XPO5: variants seen among roughly 807,000 people sequenced by gnomAD.
XPO5 encodes the protein exportin-5.
In XPO5, 46 loss-of-function variants were observed where a neutral mutation model predicts 160.6. The ratio of observed to expected loss-of-function variants is 0.29; its 90% CI spans 0.23 to 0.37. The LOEUF is 0.37. XPO5 is among the 10% of genes least tolerant of loss of function. The probability of loss-of-function intolerance (pLI) is 1.00; values close to 1 mark genes in which losing one functional copy is unlikely to be tolerated. For synonymous variants in XPO5, 537 were observed against 519.3 expected (o/e 1.03, Z -0.46); for missense variants, 1,090 against 1,463.9 (o/e 0.74, Z 4.17).
Position 43,524,974 on chromosome 6 carries a change from G to A in XPO5, c.3175-6C>T. Reference sequence around the variant, plus strand: ...AGCAGTGTCCCTGACAGCACCTGGGGAGACAACTGTGCTTTAGGGCCACAG... The same window carrying A: ...AGCAGTGTCCCTGACAGCACCTGGGAAGACAACTGTGCTTTAGGGCCACAG... On this transcript the variant is annotated splice_region_variant and splice_polypyrimidine_tract_variant and intron_variant, in intron 29 of 31. Transcript: ENST00000265351. 2 of 1,612,484 alleles carry A rather than the reference G, an allele frequency of 1.2e-6. No individual in the cohort carries two copies. Among genetic ancestry groups the A allele is most frequent in the Non-Finnish European group, 1.7e-6 (2 of 1,179,552 alleles).
At chr6:43,564,843 A>G (rs1762614718) in intron 8 of XPO5, among the ~76,000 whole-genome samples, 3 of 151,404 alleles carry the variant, frequency 2.0e-5, no homozygotes. Flanking sequence ...GACTCAATCA[A>G]TCCTCCCGCC....
intron 23 of XPO5, 67 bp downstream of exon 23, chr6:43,530,621 G>A: frequency 1.9e-6 from 3 of 1,554,498 alleles, no homozygotes; most frequent in Non-Finnish European, 2.6e-6. Context: ...TGGTTGCTGT[G>A]ACCTGTTTTG....
chr6:43,557,782 G>A (rs1762175748), intron 12 of XPO5, among the ~76,000 whole-genome samples: 2 of 58,374 alleles, frequency 3.4e-5, no homozygotes, highest in South Asian at 1.5e-3. Flanking sequence ...CAATAAAGCT[G>A]TAAAAAAAAA....
intron 21 of XPO5, chr6:43,533,619 TTGA>T: frequency 8.9e-6 from 2 of 225,844 alleles, no homozygotes; most frequent in Non-Finnish European, 1.8e-5. Context: ...GGAGGACTGC[TTGA>T]TGATAAGAGT....
intron 20 of XPO5, chr6:43,544,144 C>T (rs908396501): frequency 1.5e-4 from 23 of 153,796 alleles, no homozygotes; most frequent in African/African-American, 5.0e-4. Flanking sequence ...TGATAACCAT[C>T]TGAAGACTAA....
intron 25 of XPO5, 102 bp from the exon 26 acceptor site, chr6:43,527,833 T>C: frequency 7.8e-7 from 1 of 1,277,352 alleles, no homozygotes; most frequent in Non-Finnish European, 1.1e-6. Flanking sequence ...TTCTTCTCCT[T>C]TGGGTCTTCG....
chr6:43,537,063 C>T (rs180910145), intron 20 of XPO5, among the ~76,000 whole-genome samples: 549 of 152,130 alleles, frequency 3.6e-3, no homozygotes, highest in Admixed American at 5.4e-3. Context: ...AACTCCTGGG[C>T]TCAAGTGGCC....
rs868021425 is a variant in XPO5 at position 43,524,733 on chromosome 6, T to C, written c.3312+98A>G. ...CATTTCTCAGAGATTGCACCAGCAA[T>C]TTGGCAGGTGCCTGAATTTAGGATA... On this transcript the variant is annotated intron_variant, in intron 30 of 31. Transcript: ENST00000265351. 6.0e-5 allele frequency: 94 copies of C among 1,566,484 alleles called. No individual in the cohort carries two copies. In the African/African-American group the frequency reaches 1.3e-3, roughly 22 times the overall value.
At chr6:43,528,596 G>A (rs1268583404) in intron 24 of XPO5, among the ~76,000 whole-genome samples, 1 of 152,146 alleles carries the variant, frequency 6.6e-6, no homozygotes, top group Non-Finnish European at 1.5e-5. Flanking sequence ...GTTAACAGGA[G>A]GTTAGGAGCA....
At position 43,562,325 on chromosome 6, in the gene XPO5, C is replaced by A. The variant is rs1298060115; in HGVS notation, c.933G>T (p.Leu311Phe). ...TCAGAAAGACGTAGTGTTTTTCTAC[C>A]AAACCTCCTCCATCAGCAGTCCTGT... ...SAAQTADGGG[L>F]VEKHYVFLKR... is the part of the protein sequence containing the mutation. Residue 311 changes from leucine (L) to phenylalanine (F), a missense_variant, in exon 9 of 32, where the codon TTG becomes TTT. Transcript: ENST00000265351. 5 of 1,608,526 alleles carry A rather than the reference C, an allele frequency of 3.1e-6. No individual in the cohort carries two copies. Among genetic ancestry groups the A allele is most frequent in the Non-Finnish European group, 4.2e-6 (5 of 1,177,590 alleles).
chr6:43,564,447 T>C (rs1237221948), intron 8 of XPO5, among the ~76,000 whole-genome samples: 1 of 151,880 alleles, frequency 6.6e-6, no homozygotes, highest in South Asian at 2.1e-4. Flanking sequence ...GAGAATCGCT[T>C]GAACCCGGGA....
chr6:43,524,060 G>C, intron 31 of XPO5, 55 bp from the exon 32 acceptor site: 1 of 1,586,834 alleles, frequency 6.3e-7, no homozygotes, highest in Non-Finnish European at 8.5e-7. Context: ...GTAGTTAAAA[G>C]ATTCTCTTGG....
At chr6:43,575,559 G>A (rs1001288255) in intron 1 of XPO5, among the ~76,000 whole-genome samples, 7 of 152,258 alleles carry the variant, frequency 4.6e-5, no homozygotes, top group African/African-American at 1.4e-4. Flanking sequence ...AGTGTCCCAG[G>A]CAAAGGACAG....
At chr6:43,567,035 G>T in intron 7 of XPO5, 134 bp downstream of exon 7, 3 of 858,800 alleles carry the variant, frequency 3.5e-6, no homozygotes, top group Non-Finnish European at 5.2e-6. Flanking sequence ...CAAGGGGGTT[G>T]GAAGCAGGCA....
Position 43,573,410 on chromosome 6 carries a change from T to C in XPO5, c.227+70A>G, listed in dbSNP as rs1433000987. 7 of 1,587,376 alleles carry C rather than the reference T, an allele frequency of 4.4e-6. No homozygotes were observed. The Admixed American group carries it at 1.2e-4, about 27-fold the overall frequency. The stretch of plus-strand genomic sequence containing the variant: ...CTTCTCTACTCACCTAAACAGCATC[T>C]CTATAGGTTATATAAGATATAAAGA... On this transcript the variant is annotated intron_variant, in intron 2 of 31. Transcript: ENST00000265351.
rs992498186 is a variant in XPO5, at chr6:43,575,943, C to G, written c.-79G>C. 16 of 1,419,168 alleles carry G rather than the reference C, an allele frequency of 1.1e-5. No homozygotes were observed. Among genetic ancestry groups the G allele is most frequent in the Admixed American group, 5.5e-5 (3 of 55,006 alleles). 87.9% of individuals were successfully genotyped at this position (1,419,168 alleles called of 1,614,324 possible). The stretch of plus-strand genomic sequence containing the variant: ...CACGACAGCTCCCTCGGCGAGACCA[C>G]CCGTTGGTACCGGGCCGCGGCGGGC... On this transcript the variant is annotated 5_prime_UTR_variant, in exon 1 of 32. Transcript: ENST00000265351.
In XPO5 at chr6:43,531,506, C is replaced by T. The variant is rs2127708224; in HGVS notation, c.2513G>A (p.Arg838His). ...VFKTVLERMQ[R>H]FFSTLYENCF... The stretch of plus-strand genomic sequence containing the variant: ...GTTTTCATAGAGGGTAGAGAAGAAA[C>T]GCTGCATTCTTTCCAAGACGGTTTT... The change falls in exon 22 of 32, where the codon CGT becomes CAT. Residue 838 changes from arginine (R) to histidine (H), a missense_variant. Physicochemically the swap from Arg to His is conservative, Grantham distance 29. Around this residue, in one of 3 missense-constraint regions of XPO5, gnomAD observed 810 missense variants for 1,139.0 expected, o/e 0.71. Coordinates refer to ENST00000265351, the MANE Select transcript of XPO5 (RefSeq NM_020750.3). The T allele has an allele frequency of 5.0e-6, 8 of 1,613,852 alleles. No individual in the cohort carries two copies. The highest frequency in any genetic ancestry group is 6.8e-6 in the Non-Finnish European group (8 of 1,179,830).
chr6:43,566,851 T>C (rs1357772741), intron 7 of XPO5, among the ~76,000 whole-genome samples: 1 of 150,964 alleles, frequency 6.6e-6, no homozygotes, highest in Non-Finnish European at 1.5e-5. Flanking sequence ...ATAAACCTAC[T>C]GTAGCCACCA....
At chr6:43,567,954 T>TA (rs1762782945) in intron 6 of XPO5, among the ~76,000 whole-genome samples, 1 of 142,852 alleles carries the variant, frequency 7.0e-6, no homozygotes, top group African/African-American at 2.6e-5. Context: ...AAAAAAAAAG[T>TA]AAGTCTGTTT....
Sources: allele counts gnomAD v4.1 joint callset (sites outside exome capture counted in the v4.1 genomes callset), GRCh38; gene constraint gnomAD v4.1.1; regional missense constraint gnomAD v4.1.1; transcripts MANE v1.5; gene names NCBI Gene and HGNC (gene_info 2026-07-23, HGNC 2026-07-21).